GAS2: variants seen among roughly 807,000 people sequenced by gnomAD.
GAS2 encodes the protein growth arrest specific 2.
Under a neutral mutation model 37.5 loss-of-function variants are expected in GAS2, and 20 were observed. The observed-to-expected ratio is 0.53, with a 90% CI of 0.37 to 0.77. The LOEUF is 0.77. GAS2 is among the 30% of genes least tolerant of loss of function. GAS2 has a pLI of 0.00. For synonymous variants in GAS2, 144 were observed against 132.2 expected, an observed-to-expected ratio of 1.09 and a Z score of -0.61; for missense variants, 336 against 373.4, an observed-to-expected ratio of 0.90 and a Z score of 0.82.
At chr11:22,682,275 A>G (rs1289171952) in intron 2 of GAS2, among the ~76,000 whole-genome samples, 2 of 143,562 alleles carry the variant, frequency 1.4e-5, no homozygotes, top group East Asian at 3.9e-4. Flanking sequence ...TAAATTGTTA[A>G]TGGCTTTTTA....
At chr11:22,762,879 C>T (rs1854474024) in intron 7 of GAS2, among the ~76,000 whole-genome samples, 1 of 152,126 alleles carries the variant, frequency 6.6e-6, no homozygotes, top group Non-Finnish European at 1.5e-5. Context: ...ATAATTCTCC[C>T]ATATTGCCAG....
At chr11:22,737,553 G>A in intron 4 of GAS2, 152 bp from the exon 5 acceptor site, 3 of 679,408 alleles carry the variant, frequency 4.4e-6, no homozygotes, top group East Asian at 2.5e-5. Flanking sequence ...AGAGCTAGAT[G>A]TATTGAGGTA....
At chr11:22,772,544 A>T (rs1041502134) in intron 7 of GAS2, among the ~76,000 whole-genome samples, 5 of 152,060 alleles carry the variant, frequency 3.3e-5, no homozygotes, top group Non-Finnish European at 5.9e-5. Context: ...TTTGGAATAA[A>T]TTTTTTTTAA....
intron 1 of GAS2, among the ~76,000 whole-genome samples, chr11:22,671,221 A>G (rs115600415): frequency 0.018 from 2,781 of 152,222 alleles, 71 homozygotes; most frequent in African/African-American, 0.063. Context: ...GAAAGAAAAA[A>G]TATATACACA....
intron 5 of GAS2, among the ~76,000 whole-genome samples, chr11:22,742,262 C>T (rs149747124): frequency 6.6e-6 from 1 of 152,016 alleles, no homozygotes. Flanking sequence ...AGTTTGAGAA[C>T]AACAGCTACC....
At chr11:22,640,452 T>G (rs890916914) in intron 1 of GAS2, among the ~76,000 whole-genome samples, 21 of 152,192 alleles carry the variant, frequency 1.4e-4, no homozygotes, top group Admixed American at 1.4e-3. Flanking sequence ...TTTCATTTCT[T>G]ATAAACTTTG....
intron 7 of GAS2, among the ~76,000 whole-genome samples, chr11:22,807,301 T>C (rs1402416454): frequency 6.6e-6 from 1 of 152,174 alleles, no homozygotes; most frequent in Non-Finnish European, 1.5e-5. Flanking sequence ...GGAGAAATCT[T>C]CCAAGAGAAA....
intron 3 of GAS2, among the ~76,000 whole-genome samples, chr11:22,725,608 G>T (rs1019667831): frequency 6.6e-6 from 1 of 151,984 alleles, no homozygotes; most frequent in African/African-American, 2.4e-5. Flanking sequence ...ACTTTTATTT[G>T]TAGAGATAGG....
intron 1 of GAS2, among the ~76,000 whole-genome samples, chr11:22,637,198 T>C (rs1485079289): frequency 1.3e-4 from 16 of 121,364 alleles, no homozygotes; most frequent in African/African-American, 4.9e-4. Context: ...AATATTATAT[T>C]AATATATTAC....
intron 4 of GAS2, among the ~76,000 whole-genome samples, chr11:22,729,318 C>G (rs1359571873): frequency 6.6e-6 from 1 of 151,800 alleles, no homozygotes; most frequent in Non-Finnish European, 1.5e-5. Flanking sequence ...GTCAGAGGAT[C>G]TTGATTCACA....
At chr11:22,736,616 C>A (rs1051485355) in intron 4 of GAS2, among the ~76,000 whole-genome samples, 15 of 152,010 alleles carry the variant, frequency 9.9e-5, no homozygotes, top group Admixed American at 2.6e-4. Context: ...AATATTGCCA[C>A]TATCATAATC....
At chr11:22,768,157 A>G (rs540789181) in intron 7 of GAS2, among the ~76,000 whole-genome samples, 33 of 152,276 alleles carry the variant, frequency 2.2e-4, no homozygotes, top group Middle Eastern at 3.4e-3. Context: ...GATCTTAAGG[A>G]GCTCTTTATG....
At chr11:22,732,642 T>C (rs1852534168) in intron 4 of GAS2, among the ~76,000 whole-genome samples, 1 of 151,728 alleles carries the variant, frequency 6.6e-6, no homozygotes, top group African/African-American at 2.4e-5. Flanking sequence ...CAGAGAGTAG[T>C]CTGTGACTGT....
intron 1 of GAS2, among the ~76,000 whole-genome samples, chr11:22,650,738 A>G (rs541528573): frequency 6.6e-6 from 1 of 152,226 alleles, no homozygotes; most frequent in East Asian, 1.9e-4. Flanking sequence ...CTAGAATTGC[A>G]ACCCCTGCCT....
chr11:22,660,454 T>C (rs1848903307), intron 1 of GAS2, among the ~76,000 whole-genome samples: 1 of 152,232 alleles, frequency 6.6e-6, no homozygotes, highest in Non-Finnish European at 1.5e-5. Context: ...GTAAACTATT[T>C]TACATGTATT....
intron 1 of GAS2, among the ~76,000 whole-genome samples, chr11:22,649,144 C>T (rs977260812): frequency 4.0e-5 from 6 of 151,466 alleles, no homozygotes; most frequent in Admixed American, 2.0e-4. Flanking sequence ...TGAATTTTGT[C>T]AAAGGCCTTT....
At chr11:22,806,974 A>T (rs1856929776) in intron 7 of GAS2, among the ~76,000 whole-genome samples, 2 of 152,204 alleles carry the variant, frequency 1.3e-5, no homozygotes. Flanking sequence ...TTTCTGTTTT[A>T]AGTATTATGG....
At chr11:22,678,590 T>A (rs1187410483) in intron 2 of GAS2, among the ~76,000 whole-genome samples, 1 of 62,594 alleles carries the variant, frequency 1.6e-5, no homozygotes, top group Non-Finnish European at 3.0e-5. Flanking sequence ...GGATTTGCTG[T>A]TGTGCAAATT....
chr11:22,650,873 A>G (rs919364730), intron 1 of GAS2, among the ~76,000 whole-genome samples: 3 of 151,112 alleles, frequency 2.0e-5, no homozygotes, highest in South Asian at 2.1e-4. Flanking sequence ...TCTTTATCCA[A>G]TTTGCCAGTC....
Sources: gnomAD v4.1 joint callset for allele counts (sites outside exome capture counted in the v4.1 genomes callset) on GRCh38, gnomAD v4.1.1 for gene constraint, MANE v1.5 for transcripts, NCBI Gene and HGNC (gene_info 2026-07-23, HGNC 2026-07-21) for gene names.